The following SI variants were observed in gnomAD, a reference collection of about 807,000 sequenced individuals.
SI encodes sucrase-isomaltase, intestinal.
In SI, 235 loss-of-function variants were observed where a neutral mutation model predicts 253.3. That is an observed-to-expected ratio of 0.93 (90% CI 0.83 to 1.03). The LOEUF (loss-of-function observed/expected upper bound fraction) is 1.03, where lower values mean the gene tolerates loss of function less well. Among genes scored for constraint, SI ranks in the 50% least tolerant of loss-of-function variants. The pLI is 0.00. For missense variants in SI, 2,442 were observed against 2,211.1 expected (o/e 1.10, Z -2.09); for synonymous variants, 819 against 712.0 (o/e 1.15, Z -2.39).
intron 25 of SI, among the ~76,000 whole-genome samples, chr3:165,030,375 C>T (rs2108201722): frequency 6.6e-6 from 1 of 150,966 alleles, no homozygotes; most frequent in Middle Eastern, 3.4e-3. Flanking sequence ...CCACTACTGG[C>T]ATATCTTACC....
At chr3:164,996,448 A>G (rs1238348652) in intron 40 of SI, 87 bp downstream of exon 40, 4 of 829,650 alleles carry the variant, frequency 4.8e-6, no homozygotes, top group Non-Finnish European at 8.5e-6. Context: ...CAATAAATAT[A>G]CCAGCTAACC....
chr3:164,999,378 C>G (rs919081749), intron 37 of SI, among the ~76,000 whole-genome samples: 1 of 151,500 alleles, frequency 6.6e-6, no homozygotes, highest in Non-Finnish European at 1.5e-5. Context: ...CTTCTATCTC[C>G]CTTTCTTTTC....
intron 37 of SI, among the ~76,000 whole-genome samples, chr3:165,001,165 C>G (rs1718240300): frequency 6.6e-6 from 1 of 151,054 alleles, no homozygotes; most frequent in Non-Finnish European, 1.5e-5. Flanking sequence ...CTGATGAAAT[C>G]AATTTATAAA....
chr3:165,045,370 A>G (rs1713048708), intron 16 of SI, among the ~76,000 whole-genome samples: 2 of 152,062 alleles, frequency 1.3e-5, no homozygotes, highest in Admixed American at 6.6e-5. Context: ...TCCTACATTT[A>G]GTTTTAATAT....
At chr3:165,049,703 T>G (rs1167605829) in intron 14 of SI, 88 bp downstream of exon 14, 6 of 779,780 alleles carry the variant, frequency 7.7e-6, no homozygotes, top group Admixed American at 2.0e-5. Context: ...CCAAAAATTG[T>G]AATTTAGAAA....
At position 165,013,033 on chromosome 3, in the gene SI, C is replaced by T. The variant is rs1218565442; in HGVS notation, c.4009G>A (p.Asp1337Asn). The part of the protein sequence containing the change: ...NDICWAKVWP[D>N]LPNITIDKTL... ...TTATCTATTGTTATGTTGGGCAAAT[C>T]TGGCCAAACCTACAAGAGACAAGAC... The change falls in exon 34 of 48, where the codon GAT becomes AAT. Residue 1337 changes from aspartate (D) to asparagine (N), a missense_variant. Asp to Asn is a conservative substitution (Grantham distance 23). Transcript: ENST00000264382. 2.5e-6 allele frequency: 4 copies of T among 1,605,338 alleles called. No homozygotes were observed. In the East Asian group the frequency reaches 8.9e-5, roughly 36 times the overall value.
intron 10 of SI, 54 bp from the exon 11 acceptor site, chr3:165,059,353 C>G: frequency 1.3e-6 from 2 of 1,548,606 alleles, no homozygotes; most frequent in Non-Finnish European, 1.8e-6. Context: ...GCTCTCTAAT[C>G]AAGTCAATCT....
At chr3:165,080,051 A>T (rs1422034155), upstream of SI, among the ~76,000 whole-genome samples, 1 of 151,992 alleles carries the variant, frequency 6.6e-6, no homozygotes, top group Non-Finnish European at 1.5e-5. Flanking sequence ...CTTTATTGAT[A>T]ATTTCCCCAA....
At chr3:165,033,848 AT>A (rs982265883) in intron 22 of SI, among the ~76,000 whole-genome samples, 4 of 151,316 alleles carry the variant, frequency 2.6e-5, no homozygotes, top group Non-Finnish European at 5.9e-5. Context: ...GCATCTTTTT[AT>A]TTTTTTCTAT....
chr3:164,996,848 G>A, intron 38 of SI, 76 bp from the exon 39 acceptor site: 1 of 738,132 alleles, frequency 1.4e-6, no homozygotes, highest in Non-Finnish European at 2.1e-6. Context: ...TTCTATTTAT[G>A]ATGATGTTCT....
intron 25 of SI, among the ~76,000 whole-genome samples, chr3:165,027,602 A>G (rs1433689883): frequency 1.3e-5 from 2 of 151,378 alleles, no homozygotes; most frequent in Admixed American, 6.6e-5. Flanking sequence ...TATCAAAAAG[A>G]TAGCCCAACA....
chr3:165,042,292 C>G (rs1174061365), intron 17 of SI, among the ~76,000 whole-genome samples: 1 of 152,024 alleles, frequency 6.6e-6, no homozygotes, highest in Non-Finnish European at 1.5e-5. Flanking sequence ...TTCCATCATG[C>G]CTCCTTCCAG....
Position 164,994,317 on chromosome 3 carries a change from TA to T in SI, c.4780del (p.Tyr1594ThrfsTer54). The T allele has an allele frequency of 6.2e-7, 1 of 1,611,268 alleles. No individual in the cohort carries two copies. Among genetic ancestry groups the T allele is most frequent in the Non-Finnish European group, 8.5e-7 (1 of 1,178,040 alleles). On this transcript the variant is annotated frameshift_variant, in exon 41 of 48. Transcript: ENST00000264382. LOFTEE classifies it high-confidence loss of function. Reference protein sequence around the residue: ...NIRYTLLPYFYTQMHEIHANG... With the variant: ...NIRYTLLPYFXTQMHEIHANG... The stretch of plus-strand genomic sequence containing the variant: ...AGCATGAATTTCATGCATTTGTGTG[TA>T]AAAATAGGGCAATAAGGTGTATCTA...
At position 164,991,491 on chromosome 3, in the gene SI, G is replaced by A. The variant is rs906548280; in HGVS notation, c.4984-14C>T. On this transcript the variant is annotated splice_polypyrimidine_tract_variant and intron_variant, in intron 43 of 47. Transcript: ENST00000264382. The stretch of plus-strand genomic sequence containing the variant: ...AATATCTTTGCCCTGGAAATGAAAG[G>A]GATGGAAAGAACAGGTGGAGCAAGA... 2 of 1,613,112 alleles carry A rather than the reference G, an allele frequency of 1.2e-6. No homozygotes were observed. Among genetic ancestry groups the A allele is most frequent in the Non-Finnish European group, 8.5e-7 (1 of 1,179,366 alleles).
intron 37 of SI, among the ~76,000 whole-genome samples, chr3:165,003,660 TAGAAC>T (rs1184261411): frequency 4.6e-5 from 7 of 152,086 alleles, no homozygotes; most frequent in African/African-American, 1.7e-4. Flanking sequence ...AGCTATTTGT[TAGAAC>T]AGAAGTTTTC....
intron 46 of SI, among the ~76,000 whole-genome samples, 187 bp from the exon 47 acceptor site, chr3:164,982,597 G>A (rs1222809071): frequency 6.6e-6 from 1 of 151,840 alleles, no homozygotes; most frequent in East Asian, 1.9e-4. Flanking sequence ...TTTTTCCTAT[G>A]TATCTATTTA....
intron 19 of SI, among the ~76,000 whole-genome samples, chr3:165,039,445 A>G (rs185100019): frequency 7.2e-5 from 11 of 152,208 alleles, no homozygotes; most frequent in African/African-American, 1.4e-4. Context: ...GTATACCTCA[A>G]TGGACACATG....
intron 26 of SI, 42 bp from the exon 27 acceptor site, chr3:165,021,425 A>G (rs369553312): frequency 1.2e-5 from 17 of 1,465,132 alleles, no homozygotes; most frequent in Non-Finnish European, 1.5e-5. Context: ...CTGATTGCTG[A>G]CATAGCATGT....
chr3:165,033,369 A>G (rs1712350927), intron 23 of SI, 26 bp downstream of exon 23: 4 of 1,535,474 alleles, frequency 2.6e-6, no homozygotes, highest in African/African-American at 2.8e-5. Flanking sequence ...TATGCATTTA[A>G]GTATATGTAC....
Sources: gnomAD v4.1 joint callset for allele counts (sites outside exome capture counted in the v4.1 genomes callset) on GRCh38, gnomAD v4.1.1 for gene constraint, MANE v1.5 for transcripts, NCBI Gene and HGNC (gene_info 2026-07-23, HGNC 2026-07-21) for gene names.